The following DAPK1 variants were observed in gnomAD, a reference collection of about 807,000 sequenced individuals.
The protein encoded by DAPK1 is death-associated protein kinase 1.
Under a neutral mutation model 144.9 loss-of-function variants are expected in DAPK1, and 56 were observed. That is an observed-to-expected ratio of 0.39 (90% confidence interval 0.31 to 0.48). DAPK1 has a LOEUF of 0.48. Among genes scored for constraint, DAPK1 ranks in the 20% least tolerant of loss-of-function variants. The pLI, the probability that DAPK1 is intolerant of heterozygous loss-of-function variation, is 0.95. For missense variants in DAPK1, 1,454 were observed against 1,875.4 expected (o/e 0.78, Z 4.15); for synonymous variants, 690 against 749.0 (o/e 0.92, Z 1.29).
chr9:87,518,110 T>TTTG (rs1563970371), intron 2 of DAPK1, among the ~76,000 whole-genome samples: 16 of 38,276 alleles, frequency 4.2e-4, no homozygotes, highest in African/African-American at 6.2e-4. Flanking sequence ...TTGTTGTTTT[T>TTTG]TTTTTTTTTT....
intron 24 of DAPK1, among the ~76,000 whole-genome samples, chr9:87,700,895 AAGAC>A (rs780978871): frequency 1.3e-5 from 2 of 152,222 alleles, no homozygotes; most frequent in African/African-American, 2.4e-5. Flanking sequence ...ACTTTTTTGA[AAGAC>A]AGAAAAGAAT....
chr9:87,614,569 A>G (rs1829032035), intron 3 of DAPK1, among the ~76,000 whole-genome samples: 1 of 151,490 alleles, frequency 6.6e-6, no homozygotes, highest in Non-Finnish European at 1.5e-5. Context: ...ACTCTCCCTG[A>G]TCTCATATCT....
chr9:87,524,077 C>T (rs568436262), intron 2 of DAPK1, among the ~76,000 whole-genome samples: 1 of 152,312 alleles, frequency 6.6e-6, no homozygotes, highest in South Asian at 2.1e-4. Context: ...CCATGAGAGG[C>T]AAGTTAGTGT....
At chr9:87,506,250 G>A (rs1447595255) in intron 2 of DAPK1, among the ~76,000 whole-genome samples, 3 of 152,220 alleles carry the variant, frequency 2.0e-5, no homozygotes, top group Non-Finnish European at 4.4e-5. Flanking sequence ...ATTTATTTCA[G>A]CATCTGCATG....
chr9:87,620,988 C>T (rs999643774), intron 3 of DAPK1, among the ~76,000 whole-genome samples: 8 of 152,146 alleles, frequency 5.3e-5, no homozygotes, highest in Non-Finnish European at 7.4e-5. Flanking sequence ...GCATGTGCTG[C>T]GGCCACTCTG....
chr9:87,505,752 C>T (rs1358235652), intron 2 of DAPK1, among the ~76,000 whole-genome samples: 13 of 151,138 alleles, frequency 8.6e-5, no homozygotes, highest in African/African-American at 2.7e-4. Context: ...TGCAGTGGGG[C>T]GATCTTGGCT....
At chr9:87,596,504 C>T (rs1409222424) in intron 2 of DAPK1, among the ~76,000 whole-genome samples, 4 of 152,196 alleles carry the variant, frequency 2.6e-5, no homozygotes, top group Non-Finnish European at 5.9e-5. Flanking sequence ...CTAAATGATG[C>T]AGCACTTTCC....
chr9:87,597,640 C>T (rs181456597), intron 2 of DAPK1, among the ~76,000 whole-genome samples: 1 of 152,236 alleles, frequency 6.6e-6, no homozygotes, highest in Non-Finnish European at 1.5e-5. Context: ...TGTCATCATA[C>T]TTGCACAGAT....
At chr9:87,661,399 C>T (rs1010871820) in intron 18 of DAPK1, among the ~76,000 whole-genome samples, 3 of 152,148 alleles carry the variant, frequency 2.0e-5, no homozygotes, top group Non-Finnish European at 4.4e-5. Context: ...CGTAATTTCT[C>T]TATGTTTTCC....
intron 3 of DAPK1, among the ~76,000 whole-genome samples, chr9:87,623,651 G>A (rs748203150): frequency 6.6e-5 from 10 of 152,188 alleles, no homozygotes; most frequent in Non-Finnish European, 1.3e-4. Context: ...GGTGGGTTGG[G>A]AGTGGAGGTG....
chr9:87,640,186 C>A, intron 7 of DAPK1, 112 bp from the exon 8 acceptor site: 1 of 1,074,360 alleles, frequency 9.3e-7, no homozygotes. Context: ...CAAACTGTGA[C>A]TATTCGAGCA....
chr9:87,537,493 A>G (rs546993447), intron 2 of DAPK1, among the ~76,000 whole-genome samples: 3 of 151,868 alleles, frequency 2.0e-5, no homozygotes, highest in African/African-American at 7.2e-5. Context: ...AGTTTGGATG[A>G]GATGTGCATG....
chr9:87,698,957 T>TATTGGA (rs1335571898), intron 23 of DAPK1, among the ~76,000 whole-genome samples, 163 bp downstream of exon 23: 3 of 152,210 alleles, frequency 2.0e-5, no homozygotes, highest in Non-Finnish European at 4.4e-5. Flanking sequence ...TTGTATCCCT[T>TATTGGA]ATTGGAAATG....
chr9:87,591,513 T>G (rs1181928474), intron 2 of DAPK1, among the ~76,000 whole-genome samples: 2 of 152,200 alleles, frequency 1.3e-5, no homozygotes, highest in African/African-American at 4.8e-5. Flanking sequence ...TCAACATGTA[T>G]TAATACTAAA....
intron 2 of DAPK1, chr9:87,499,364 T>C: frequency 1.9e-6 from 1 of 524,948 alleles, no homozygotes; most frequent in South Asian, 3.1e-5. Context: ...TGATGCACAG[T>C]ATATTGATCC....
chr9:87,690,978 ATGTTGT>A (rs762893299), intron 21 of DAPK1, among the ~76,000 whole-genome samples: 3 of 151,584 alleles, frequency 2.0e-5, no homozygotes, highest in Non-Finnish European at 4.4e-5. Flanking sequence ...AATGATGATG[ATGTTGT>A]TGTTGTTGTT....
chr9:87,618,636 G>A (rs1829181918), intron 3 of DAPK1, among the ~76,000 whole-genome samples: 1 of 152,170 alleles, frequency 6.6e-6, no homozygotes, highest in African/African-American at 2.4e-5. Flanking sequence ...AACATGCTAA[G>A]TGAAAGAGGC....
In DAPK1 at chr9:87,686,757, C is replaced by A; in HGVS notation, c.2413+18C>A. Reference sequence around the variant, plus strand: ...TTTGAATGGTATGCCCTGCCTGCCCCAAGGGAAGGACCTCAGGTTTCCCTT... The same window carrying A: ...TTTGAATGGTATGCCCTGCCTGCCCAAAGGGAAGGACCTCAGGTTTCCCTT... On this transcript the variant is annotated intron_variant, in intron 21 of 25. Coordinates refer to ENST00000408954, the MANE Select transcript of DAPK1 (RefSeq NM_004938.4). The surrounding 1 kb of genome is among the most constrained non-coding windows in gnomAD (Gnocchi z 4.2). The A allele has an allele frequency of 1.3e-6, 2 of 1,576,170 alleles. No individual in the cohort carries two copies. Among genetic ancestry groups the A allele is most frequent in the South Asian group, 1.1e-5 (1 of 89,414 alleles).
intron 2 of DAPK1, among the ~76,000 whole-genome samples, chr9:87,571,493 A>ACC (rs142493842): frequency 0.086 from 3,988 of 46,272 alleles, 726 homozygotes; most frequent in East Asian, 0.18. Context: ...ACACACACAC[A>ACC]CCCCAACACA....
Sources: allele counts gnomAD v4.1 joint callset (sites outside exome capture counted in the v4.1 genomes callset), GRCh38; gene constraint gnomAD v4.1.1; non-coding constraint Gnocchi (gnomAD v3.1); transcripts MANE v1.5; gene names NCBI Gene and HGNC (gene_info 2026-07-23, HGNC 2026-07-21).